The following ARHGAP12 variants were observed in gnomAD, a reference collection of about 807,000 sequenced individuals.
ARHGAP12 encodes the protein Rho GTPase activating protein 12.
A neutral mutation model predicts 108.6 loss-of-function variants in ARHGAP12; 64 were observed. The observed-to-expected ratio is 0.59, with a 90% CI of 0.48 to 0.73. ARHGAP12 has a LOEUF of 0.73. Ranked by LOEUF, ARHGAP12 falls within the 30% of genes least tolerant of loss-of-function variation. The pLI is 0.00. For missense variants in ARHGAP12, 940 were observed against 1,005.9 expected, an observed-to-expected ratio of 0.93 and a Z score of 0.89; for synonymous variants, 312 against 337.2, an observed-to-expected ratio of 0.93 and a Z score of 0.82.
In ARHGAP12 at chr10:31,928,535, G is replaced by GCGC. The variant is rs557487682; in HGVS notation, c.-111+145_-111+147dup. ...ACCTCCCTTTGCGCGCACCTCCGCGGCGCCGCCGCCGCCGCCGCCGCGCCT... is the reference window on the plus strand; with the variant it reads ...ACCTCCCTTTGCGCGCACCTCCGCGGCGCCGCCGCCGCCGCCGCCGCCGCGCCT... On this transcript the variant is annotated intron_variant, in intron 1 of 19. Coordinates refer to ENST00000344936, the MANE Select transcript of ARHGAP12 (RefSeq NM_018287.7). 6.3e-3 allele frequency: 956 copies of GCGC among 152,052 alleles called. 19 individuals carry two copies. Among genetic ancestry groups the GCGC allele is most frequent in the Admixed American group, 0.04 (607 of 15,062 alleles). The allele number at this position is 152,052 out of a possible 1,614,324, so 9.4% of individuals were successfully genotyped here.
intron 13 of ARHGAP12, among the ~76,000 whole-genome samples, chr10:31,816,168 CGTGTGTGTGTGTGTGTGT>C (rs201754040): frequency 1.5e-5 from 2 of 136,330 alleles, no homozygotes; most frequent in Admixed American, 7.4e-5. Context: ...AAGAAAGAAA[CGTGTGTGTGTGTGTGTGT>C]GTGTGTGTGT....
At chr10:31,885,221 T>C (rs1245072763) in intron 3 of ARHGAP12, among the ~76,000 whole-genome samples, 1 of 152,240 alleles carries the variant, frequency 6.6e-6, no homozygotes. Flanking sequence ...TTTAATGTAA[T>C]CATTTTTAGT....
At chr10:31,822,951 C>A (rs1230760499) in intron 11 of ARHGAP12, among the ~76,000 whole-genome samples, 1 of 151,966 alleles carries the variant, frequency 6.6e-6, no homozygotes, top group Non-Finnish European at 1.5e-5. Context: ...AATTATCTAG[C>A]CCAAAAGAGT....
chr10:31,824,274 A>G (rs1000904847), intron 11 of ARHGAP12, among the ~76,000 whole-genome samples: 6 of 152,190 alleles, frequency 3.9e-5, no homozygotes, highest in Non-Finnish European at 7.4e-5. Flanking sequence ...TACTGAGACT[A>G]TAAAATGGTG....
intron 1 of ARHGAP12, among the ~76,000 whole-genome samples, chr10:31,919,346 CTG>C (rs1358468349): frequency 1.3e-5 from 2 of 152,168 alleles, no homozygotes; most frequent in Non-Finnish European, 2.9e-5. Flanking sequence ...TGCCACAGAA[CTG>C]TGCACTCAAA....
At chr10:31,812,293 T>C (rs1471823938) in intron 15 of ARHGAP12, among the ~76,000 whole-genome samples, 1 of 152,212 alleles carries the variant, frequency 6.6e-6, no homozygotes, top group Admixed American at 6.5e-5. Flanking sequence ...AAACACCTTA[T>C]GCTAATTTTT....
In ARHGAP12 at chr10:31,808,689, T is replaced by G. The variant is rs1834908971; in HGVS notation, c.2326A>C (p.Asn776His). 1 of 1,613,744 alleles carries G rather than the reference T, an allele frequency of 6.2e-7. No individual in the cohort carries two copies. Among genetic ancestry groups the G allele is most frequent in the East Asian group, 2.2e-5 (1 of 44,890 alleles). The change falls in exon 19 of 20, where the codon AAC (asparagine) becomes CAC (histidine). Residue 776 changes from asparagine (N) to histidine (H), a missense_variant. Transcript: ENST00000344936. ...AAAAGAATCTGCATTGTGTCTTGGT[T>G]TGGCTTTGGCAACTGTCTGATTAGG... The part of the protein sequence containing the change: ...KDLIRQLPKP[N>H]QDTMQILFRH...
At chr10:31,912,116 C>G (rs1240580695) in intron 1 of ARHGAP12, among the ~76,000 whole-genome samples, 1 of 152,194 alleles carries the variant, frequency 6.6e-6, no homozygotes, top group East Asian at 1.9e-4. Context: ...ACGCTAGTCA[C>G]TATGTGCTTT....
In ARHGAP12 at chr10:31,927,418, C is replaced by T. The variant is rs370207018; in HGVS notation, c.-111+1265G>A. On this transcript the variant is annotated intron_variant, in intron 1 of 19. Transcript: ENST00000344936. ...GGCTAGATACTTATTTTTAACACTT[C>T]CATTGAAACACCCGGAGTCTCCCAA... is the stretch of plus-strand genomic sequence containing the variant. 4.6e-5 allele frequency among the ~76,000 whole-genome samples: 7 copies of T among 152,272 alleles called. No individual in the cohort carries two copies. In the East Asian group the frequency reaches 1.4e-3, roughly 29 times the overall value.
intron 9 of ARHGAP12, among the ~76,000 whole-genome samples, chr10:31,833,181 G>T (rs192580312): frequency 1.3e-5 from 2 of 151,998 alleles, no homozygotes; most frequent in Admixed American, 6.5e-5. Context: ...TCAAAAGCAG[G>T]GAGAAAACAA....
chr10:31,894,082 T>C (rs1476453462), intron 3 of ARHGAP12, among the ~76,000 whole-genome samples: 3 of 152,182 alleles, frequency 2.0e-5, no homozygotes, highest in Non-Finnish European at 2.9e-5. Context: ...AAACTAGGTA[T>C]TGATGGGATG....
At chr10:31,911,120 T>C (rs1839326262) in intron 1 of ARHGAP12, among the ~76,000 whole-genome samples, 1 of 152,126 alleles carries the variant, frequency 6.6e-6, no homozygotes, top group African/African-American at 2.4e-5. Context: ...GCCTCCCAGG[T>C]TGAAGCAATT....
intron 1 of ARHGAP12, among the ~76,000 whole-genome samples, chr10:31,919,774 A>G (rs1839713852): frequency 6.6e-6 from 1 of 150,688 alleles, no homozygotes; most frequent in Non-Finnish European, 1.5e-5. Flanking sequence ...CCTGGGCAAC[A>G]CAGCAAGACT....
At chr10:31,827,331 C>A (rs1313858321) in intron 10 of ARHGAP12, among the ~76,000 whole-genome samples, 1 of 152,090 alleles carries the variant, frequency 6.6e-6, no homozygotes, top group East Asian at 1.9e-4. Flanking sequence ...AGGCCTAGCA[C>A]AGTACTTTTC....
intron 1 of ARHGAP12, among the ~76,000 whole-genome samples, chr10:31,925,019 G>C (rs566149212): frequency 6.6e-6 from 1 of 152,100 alleles, no homozygotes; most frequent in Non-Finnish European, 1.5e-5. Flanking sequence ...TCTGTCTCTC[G>C]CTGTGTGACT....
chr10:31,862,470 T>C (rs1323837529), intron 3 of ARHGAP12, among the ~76,000 whole-genome samples: 1 of 152,150 alleles, frequency 6.6e-6, no homozygotes, highest in Non-Finnish European at 1.5e-5. Context: ...TGTATTAGGT[T>C]ACACAGAACT....
intron 9 of ARHGAP12, among the ~76,000 whole-genome samples, chr10:31,833,979 A>G (rs1835924319): frequency 1.3e-5 from 2 of 152,194 alleles, no homozygotes; most frequent in Admixed American, 6.5e-5. Context: ...AATCATTACT[A>G]TAAGAGATGA....
At chr10:31,841,412 T>C (rs759004882) in intron 7 of ARHGAP12, among the ~76,000 whole-genome samples, 3 of 152,152 alleles carry the variant, frequency 2.0e-5, no homozygotes, top group African/African-American at 4.8e-5. Context: ...GGGAAAGTGA[T>C]AGGCATTCAC....
chr10:31,825,583 C>A (rs1309521772), intron 11 of ARHGAP12, among the ~76,000 whole-genome samples: 1 of 152,002 alleles, frequency 6.6e-6, no homozygotes, highest in Non-Finnish European at 1.5e-5. Flanking sequence ...GTGTTTTATA[C>A]CTCATTTTCT....
Sources: gnomAD v4.1 joint callset for allele counts (sites outside exome capture counted in the v4.1 genomes callset) on GRCh38, gnomAD v4.1.1 for gene constraint, MANE v1.5 for transcripts, NCBI Gene and HGNC (gene_info 2026-07-23, HGNC 2026-07-21) for gene names.